ITGAL: variants seen among roughly 807,000 people sequenced by gnomAD.
ITGAL encodes the protein integrin subunit alpha L.
Under a neutral mutation model 138.4 loss-of-function variants are expected in ITGAL, and 68 were observed. The ratio of observed to expected loss-of-function variants is 0.49; its 90% CI spans 0.40 to 0.60. The LOEUF is 0.60. Among genes scored for constraint, ITGAL ranks in the 20% least tolerant of loss-of-function variants. The pLI is 0.00. For missense variants in ITGAL, 1,256 were observed against 1,478.6 expected, an observed-to-expected ratio of 0.85 and a Z score of 2.47; for synonymous variants, 561 against 584.3, an observed-to-expected ratio of 0.96 and a Z score of 0.57.
intron 17 of ITGAL, 62 bp from the exon 18 acceptor site, chr16:30,504,113 T>A: frequency 1.6e-6 from 2 of 1,241,956 alleles, no homozygotes; most frequent in Non-Finnish European, 1.2e-6. Context: ...AAGGTATACA[T>A]CTAATCGGAA....
chr16:30,484,735 A>G, intron 9 of ITGAL, among the ~76,000 whole-genome samples: 1 of 152,132 alleles, frequency 6.6e-6, no homozygotes, highest in East Asian at 1.9e-4. Flanking sequence ...CCTGGCCAAC[A>G]TGGCGAAACC....
Position 30,479,112 on chromosome 16 carries a change from C to T in ITGAL, c.349C>T (p.Arg117Ter), listed in dbSNP as rs2050515775. ...SILACDPGLS[R>*]TCDQNTYLSG... The stretch of plus-strand genomic sequence containing the variant: ...TTAGGCCTGTGACCCTGGGCTGTCT[C>T]GAACGTGTGACCAGAACACCTATCT... The change falls in exon 5 of 31, where the codon CGA becomes TGA. Residue 117 changes from arginine (R) to a stop codon, truncating the protein, a stop_gained. Transcript: ENST00000356798. LOFTEE classifies it high-confidence loss of function. 4 of 1,613,892 alleles carry T rather than the reference C, an allele frequency of 2.5e-6. No homozygotes were observed. Among genetic ancestry groups the T allele is most frequent in the African/African-American group, 1.3e-5 (1 of 74,904 alleles).
Position 30,506,834 on chromosome 16 carries a change from T to G in ITGAL, c.2486T>G (p.Phe829Cys), listed in dbSNP as rs1246503733. 1 of 1,613,922 alleles carries G rather than the reference T, an allele frequency of 6.2e-7. No homozygotes were observed. Among genetic ancestry groups the G allele is most frequent in the Non-Finnish European group, 8.5e-7 (1 of 1,179,880 alleles). The change falls in exon 21 of 31, where the codon TTC becomes TGC. Residue 829 changes from phenylalanine (F) to cysteine (C), a missense_variant. Around this residue, in one of 3 missense-constraint regions of ITGAL, gnomAD observed 867 missense variants for 972.5 expected, o/e 0.89. Transcript: ENST00000356798. ...CTGCACTTCCCCCCGGGACTCTCCTTCCGCAAGGTGGAGATGCTGAAGGTG... is the reference window on the plus strand; with the variant it reads ...CTGCACTTCCCCCCGGGACTCTCCTGCCGCAAGGTGGAGATGCTGAAGGTG... ...LDLHFPPGLS[F>C]RKVEMLKPHS...
Position 30,481,560 on chromosome 16 carries a change from C to T in ITGAL, c.698C>T (p.Thr233Ile). ...AAGCACATGTTGCTGTTGACCAATA[C>T]CTTTGGTGCCATCAATTATGTCGCG... ...HVKHMLLLTN[T>I]FGAINYVATE... Residue 233 changes from threonine to isoleucine, a missense_variant, in exon 7 of 31, where the codon ACC (threonine) becomes ATC (isoleucine). This residue lies in a region of ITGAL where 177 missense variants were observed against 288.8 expected (regional missense o/e 0.61). Coordinates refer to ENST00000356798, the MANE Select transcript of ITGAL (RefSeq NM_002209.3). 1.2e-6 allele frequency: 2 copies of T among 1,613,616 alleles called. No homozygotes were observed. Among genetic ancestry groups the T allele is most frequent in the Non-Finnish European group, 1.7e-6 (2 of 1,179,804 alleles).
At chr16:30,491,229 C>T (rs1033462838) in intron 11 of ITGAL, among the ~76,000 whole-genome samples, 1 of 150,942 alleles carries the variant, frequency 6.6e-6, no homozygotes, top group Non-Finnish European at 1.5e-5. Context: ...GGTGAAAGTC[C>T]GTCTCTATAA....
chr16:30,496,393 C>T (rs1368648343), intron 14 of ITGAL, 43 bp from the exon 15 acceptor site: 7 of 1,613,774 alleles, frequency 4.3e-6, no homozygotes, highest in Admixed American at 3.3e-5. Flanking sequence ...TCCCTCCAAC[C>T]TACCTCTCCT....
At chr16:30,478,971 G>T (rs1382539700) in intron 4 of ITGAL, 120 bp from the exon 5 acceptor site, 1 of 757,140 alleles carries the variant, frequency 1.3e-6, no homozygotes, top group Non-Finnish European at 2.3e-6. Context: ...TTGGTAACCA[G>T]TTGGATAGAG....
chr16:30,494,452 C>A lies in ITGAL; in HGVS notation c.1365+89C>A. ...TGTCCTTTGAATGCTCATCCACTTA[C>A]CATGTGGCAGCCCCTGTGCTAAACA... On this transcript the variant is annotated intron_variant, in intron 12 of 30. Transcript: ENST00000356798. This position sits in a 1 kb window ranked among gnomAD's most constrained non-coding sequence, Gnocchi z 4.2. The A allele has an allele frequency of 7.4e-7, 1 of 1,351,380 alleles. No homozygotes were observed. Among genetic ancestry groups the A allele is most frequent in the Non-Finnish European group, 1.0e-6 (1 of 994,502 alleles). The allele number at this position is 1,351,380 out of a possible 1,614,324, so 83.7% of individuals were successfully genotyped here.
intron 22 of ITGAL, 127 bp from the exon 23 acceptor site, chr16:30,510,754 A>G: frequency 1.3e-6 from 1 of 784,104 alleles, no homozygotes; most frequent in South Asian, 1.5e-5. Context: ...GTAGAATCCT[A>G]GCTCAGTGCT....
At chr16:30,518,763 G>C in intron 29 of ITGAL, 44 bp downstream of exon 29, 1 of 1,423,106 alleles carries the variant, frequency 7.0e-7, no homozygotes, top group Non-Finnish European at 9.9e-7. Flanking sequence ...GCAACAGAGG[G>C]AGCCCAGGAG....
At position 30,513,783 on chromosome 16, in the gene ITGAL, C is replaced by G; in HGVS notation, c.2799C>G (p.Ser933=). The change falls in exon 25 of 31, where the codon TCC becomes TCG. Residue 933 remains serine (S), a synonymous_variant. Coordinates refer to ENST00000356798, the MANE Select transcript of ITGAL (RefSeq NM_002209.3). The part of the protein sequence containing the change: ...INILIQDQED[S]TLYVSFTPKG... The stretch of plus-strand genomic sequence containing the variant: ...TCTCTCTCCGCAGCCAAGAAGACTC[C>G]ACACTCTATGTCAGTTTCACCCCCA... The G allele has an allele frequency of 6.2e-7, 1 of 1,613,670 alleles. No individual in the cohort carries two copies. Among genetic ancestry groups the G allele is most frequent in the Non-Finnish European group, 8.5e-7 (1 of 1,179,638 alleles).
chr16:30,506,888 A>G (rs765849627), intron 21 of ITGAL, 32 bp downstream of exon 21: 10 of 1,611,746 alleles, frequency 6.2e-6, no homozygotes, highest in Admixed American at 5.0e-5. Context: ...GCCTGCGGGC[A>G]TCTGTTCGGC....
At chr16:30,486,317 G>A (rs1019592209) in intron 9 of ITGAL, among the ~76,000 whole-genome samples, 6 of 151,650 alleles carry the variant, frequency 4.0e-5, no homozygotes, top group African/African-American at 1.5e-4. Context: ...GGCTAAAGTA[G>A]GAGAATCGCT....
At chr16:30,520,065 T>A in intron 30 of ITGAL, 98 bp downstream of exon 30, 2 of 888,526 alleles carry the variant, frequency 2.3e-6, no homozygotes, top group Non-Finnish European at 3.6e-6. Context: ...CCAGAGGGCA[T>A]AAGAGCCAGG....
intron 13 of ITGAL, among the ~76,000 whole-genome samples, 175 bp downstream of exon 13, chr16:30,495,025 T>C (rs1175347659): frequency 1.3e-5 from 2 of 151,970 alleles, no homozygotes; most frequent in Admixed American, 6.6e-5. Context: ...CCAGTGCCAA[T>C]ATTTCTTTTT....
chr16:30,506,674 T>C (rs1683556591), intron 20 of ITGAL, 41 bp from the exon 21 acceptor site: 9 of 1,538,080 alleles, frequency 5.9e-6, no homozygotes, highest in Non-Finnish European at 7.1e-6. Context: ...TTCCCCACCC[T>C]GATCCTCCCT....
chr16:30,485,340 C>T (rs1208717578), intron 9 of ITGAL, among the ~76,000 whole-genome samples: 1 of 152,018 alleles, frequency 6.6e-6, no homozygotes, highest in African/African-American at 2.4e-5. Context: ...CATTCTCCTG[C>T]CTCAGCCTCC....
At chr16:30,481,715 G>A in intron 7 of ITGAL, 131 bp downstream of exon 7, 3 of 754,498 alleles carry the variant, frequency 4.0e-6, no homozygotes, top group Non-Finnish European at 6.6e-6. Flanking sequence ...GAATTGAAGT[G>A]GAACAATTTT....
At chr16:30,478,500 C>A (rs1219435738) in intron 4 of ITGAL, among the ~76,000 whole-genome samples, 2 of 151,618 alleles carry the variant, frequency 1.3e-5, no homozygotes, top group Admixed American at 1.3e-4. Context: ...AGATCAAGAC[C>A]ATCCTGGCTA....
Sources: gnomAD v4.1 joint callset for allele counts (sites outside exome capture counted in the v4.1 genomes callset) on GRCh38, gnomAD v4.1.1 for gene constraint, gnomAD v4.1.1 regional missense constraint, Gnocchi (gnomAD v3.1) non-coding constraint, MANE v1.5 for transcripts, NCBI Gene and HGNC (gene_info 2026-07-23, HGNC 2026-07-21) for gene names.